Variants in MRAS observed in about 807,000 individuals in gnomAD.
MRAS encodes ras-related protein M-Ras.
In MRAS, 4 loss-of-function variants were observed where a neutral mutation model predicts 20.9. The ratio of observed to expected loss-of-function variants is 0.19; its 90% CI spans 0.09 to 0.44. The LOEUF (loss-of-function observed/expected upper bound fraction) is 0.44. Ranked by LOEUF, MRAS falls within the 20% of genes least tolerant of loss-of-function variation. The probability of loss-of-function intolerance (pLI) is 0.99; values close to 1 mark genes in which losing one functional copy is unlikely to be tolerated. For synonymous variants in MRAS, 98 were observed against 102.9 expected (o/e 0.95, Z 0.29); for missense variants, 154 against 277.5 (o/e 0.56, Z 3.16).
chr3:138,367,775 A>G (rs1027370506), intron 1 of MRAS, among the ~76,000 whole-genome samples: 11 of 152,192 alleles, frequency 7.2e-5, no homozygotes, highest in Admixed American at 1.3e-4. Context: ...TGGAGCTTAC[A>G]ATCTGTTTGA....
Sources: gnomAD v4.1 joint callset for allele counts (sites outside exome capture counted in the v4.1 genomes callset) on GRCh38, gnomAD v4.1.1 for gene constraint, MANE v1.5 for transcripts, NCBI Gene and HGNC (gene_info 2026-07-23, HGNC 2026-07-21) for gene names.